The following CHST9 variants were observed in gnomAD, a reference collection of about 807,000 sequenced individuals.
CHST9 encodes carbohydrate sulfotransferase 9, also known as GalNAc-4-sulfotransferase 2.
Under a neutral mutation model 44.4 loss-of-function variants are expected in CHST9, and 41 were observed. That is an observed-to-expected ratio of 0.92 (90% CI 0.72 to 1.20). The LOEUF (loss-of-function observed/expected upper bound fraction) is 1.20, where lower values mean the gene tolerates loss of function less well. Among genes scored for constraint, CHST9 ranks in the 50% most tolerant of loss-of-function variants. CHST9 has a pLI of 0.00. For synonymous variants in CHST9, 171 were observed against 178.4 expected (o/e 0.96, Z 0.33); for missense variants, 504 against 516.5 (o/e 0.98, Z 0.23).
chr18:27,114,726 T>C (rs2058304904), intron 2 of CHST9, among the ~76,000 whole-genome samples: 1 of 152,218 alleles, frequency 6.6e-6, no homozygotes, highest in African/African-American at 2.4e-5. Context: ...GTCTGGCTTC[T>C]TTCACTAAGC....
At chr18:27,143,415 A>T (rs1251935343) in intron 1 of CHST9, among the ~76,000 whole-genome samples, 1 of 152,114 alleles carries the variant, frequency 6.6e-6, no homozygotes, top group Non-Finnish European at 1.5e-5. Context: ...CAGAGGCATA[A>T]AAAGATAAAT....
intron 1 of CHST9, among the ~76,000 whole-genome samples, chr18:27,163,524 T>C (rs1392509910): frequency 6.6e-5 from 10 of 151,942 alleles, no homozygotes; most frequent in Admixed American, 5.9e-4. Flanking sequence ...CGGGCGCCCC[T>C]CTCCCAGCCT....
chr18:26,941,615 T>C (rs554700324), intron 5 of CHST9, among the ~76,000 whole-genome samples: 85 of 152,228 alleles, frequency 5.6e-4, no homozygotes, highest in African/African-American at 2.0e-3. Flanking sequence ...GATTGCAGCA[T>C]TGAACTGCCA....
intron 1 of CHST9, among the ~76,000 whole-genome samples, chr18:27,178,419 A>G (rs549538252): frequency 6.6e-6 from 1 of 152,180 alleles, no homozygotes; most frequent in South Asian, 2.1e-4. Context: ...AAATCTAAGA[A>G]AAAATATCTC....
In CHST9 at chr18:26,915,011, T is replaced by C. The variant is rs1018894186; in HGVS notation, c.*1248A>G. 1.0e-5 allele frequency: 4 copies of C among 397,782 alleles called. No homozygotes were observed. The highest frequency in any genetic ancestry group is 1.8e-5 in the Non-Finnish European group (4 of 225,602). 24.6% of individuals were successfully genotyped at this position (397,782 alleles called of 1,614,324 possible). The stretch of plus-strand genomic sequence containing the variant: ...CCAAGGGATCTAATTTAGGATCCCT[T>C]GGAAAAAAATTCCAAAATGCATTAC... On this transcript the variant is annotated 3_prime_UTR_variant, in exon 6 of 6. Coordinates refer to ENST00000618847, the MANE Select transcript of CHST9 (RefSeq NM_031422.6).
chr18:27,169,870 G>T (rs987058124), intron 1 of CHST9, among the ~76,000 whole-genome samples: 1 of 152,120 alleles, frequency 6.6e-6, no homozygotes, highest in African/African-American at 2.4e-5. Flanking sequence ...GCCTCCCAAA[G>T]TGCTGGGATT....
At chr18:27,041,579 T>A (rs2057445731) in intron 3 of CHST9, among the ~76,000 whole-genome samples, 1 of 152,122 alleles carries the variant, frequency 6.6e-6, no homozygotes. Flanking sequence ...AAATTAAACA[T>A]CAAATATGTG....
chr18:27,153,704 A>G (rs1326979068), intron 1 of CHST9, among the ~76,000 whole-genome samples: 1 of 151,388 alleles, frequency 6.6e-6, no homozygotes, highest in Non-Finnish European at 1.5e-5. Flanking sequence ...ATCAGCAAAG[A>G]CTCTTTTACC....
intron 4 of CHST9, among the ~76,000 whole-genome samples, chr18:27,008,422 T>C (rs529496055): frequency 6.6e-6 from 1 of 152,338 alleles, no homozygotes; most frequent in Admixed American, 6.5e-5. Context: ...TTAGAAATGA[T>C]AGCATATCAC....
intron 4 of CHST9, among the ~76,000 whole-genome samples, chr18:27,001,929 A>G (rs2056958159): frequency 6.6e-6 from 1 of 152,168 alleles, no homozygotes. Flanking sequence ...ATTATGAGAT[A>G]ACAACCTAAC....
chr18:27,180,987 A>T (rs1041839432), intron 1 of CHST9, among the ~76,000 whole-genome samples: 6 of 151,854 alleles, frequency 4.0e-5, no homozygotes, highest in African/African-American at 7.3e-5. Flanking sequence ...AAAAAAAAGC[A>T]TCCCTACACT....
At chr18:27,098,723 G>C (rs2058142176) in intron 2 of CHST9, among the ~76,000 whole-genome samples, 1 of 151,912 alleles carries the variant, frequency 6.6e-6, no homozygotes, top group African/African-American at 2.4e-5. Context: ...AACACTGCCT[G>C]TTCTCACCCA....
At chr18:27,069,095 C>T (rs1224406040) in intron 2 of CHST9, among the ~76,000 whole-genome samples, 1 of 152,142 alleles carries the variant, frequency 6.6e-6, no homozygotes, top group Non-Finnish European at 1.5e-5. Flanking sequence ...TTTTCCCTTC[C>T]AGTAGATTTT....
intron 4 of CHST9, among the ~76,000 whole-genome samples, chr18:26,999,973 GA>G (rs1414054135): frequency 1.3e-5 from 2 of 152,176 alleles, no homozygotes; most frequent in African/African-American, 4.8e-5. Flanking sequence ...AATAGGAGGG[GA>G]AACCCCTTAA....
chr18:26,925,941 A>G (rs1415177412), intron 5 of CHST9: 1 of 152,162 alleles, frequency 6.6e-6, no homozygotes, highest in African/African-American at 2.4e-5. Context: ...GCAAAGTTAA[A>G]TGTTCAATGG....
intron 2 of CHST9, among the ~76,000 whole-genome samples, chr18:27,138,003 T>C (rs551353320): frequency 6.6e-6 from 1 of 152,284 alleles, no homozygotes; most frequent in Non-Finnish European, 1.5e-5. Context: ...CGCTTTCACC[T>C]GCCCAGCCTC....
chr18:27,170,663 G>A (rs1237129858), intron 1 of CHST9, among the ~76,000 whole-genome samples: 1 of 152,006 alleles, frequency 6.6e-6, no homozygotes, highest in Non-Finnish European at 1.5e-5. Context: ...TGAAACTTCT[G>A]CTATTGATGA....
intron 1 of CHST9, among the ~76,000 whole-genome samples, chr18:27,161,737 G>T (rs1217882699): frequency 9.2e-5 from 14 of 152,062 alleles, no homozygotes; most frequent in African/African-American, 2.7e-4. Flanking sequence ...TATTGTGTGG[G>T]AGTCCAAGTC....
rs142690757 is a variant in CHST9 at position 27,088,914 on chromosome 18, C to T, written c.122-40411G>A. On this transcript the variant is annotated intron_variant, in intron 2 of 5. Coordinates refer to ENST00000618847, the MANE Select transcript of CHST9 (RefSeq NM_031422.6). ...CAGGTCAATGAACTGGCAGCTCTAA[C>T]AGTCTGCCCTTCAGAACCTCTGTAA... is the stretch of plus-strand genomic sequence containing the variant. Among the ~76,000 whole-genome samples the T allele has an allele frequency of 2.7e-3, 405 of 152,282 alleles. 2 individuals are homozygous for T. The highest frequency in any genetic ancestry group is 9.5e-3 in the African/African-American group (393 of 41,554).
Sources: gnomAD v4.1 joint callset for allele counts (sites outside exome capture counted in the v4.1 genomes callset) on GRCh38, gnomAD v4.1.1 for gene constraint, MANE v1.5 for transcripts, NCBI Gene and HGNC (gene_info 2026-07-23, HGNC 2026-07-21) for gene names.